The following ACAD10 variants were observed in gnomAD, a reference collection of about 807,000 sequenced individuals.
The protein encoded by ACAD10 is acyl-CoA dehydrogenase family member 10.
A neutral mutation model predicts 116.8 loss-of-function variants in ACAD10; 112 were observed. The ratio of observed to expected loss-of-function variants is 0.96; its 90% confidence interval spans 0.82 to 1.12. The LOEUF is 1.12. ACAD10 is among the 50% of genes most tolerant of loss of function. ACAD10 has a pLI of 0.00. For synonymous variants in ACAD10, 486 were observed against 510.6 expected (o/e 0.95, Z 0.65); for missense variants, 1,259 against 1,350.2 (o/e 0.93, Z 1.06).
intron 8 of ACAD10, among the ~76,000 whole-genome samples, chr12:111,723,588 T>C (rs867984881): frequency 0.022 from 1,625 of 75,258 alleles, 26 homozygotes; most frequent in African/African-American, 0.076. Context: ...GCTGGCCGGG[T>C]GGGGGGCTGA....
chr12:111,736,274 C>T (rs1484086838), intron 11 of ACAD10, among the ~76,000 whole-genome samples: 1 of 150,218 alleles, frequency 6.7e-6, no homozygotes, highest in Non-Finnish European at 1.5e-5. Context: ...GCAACCTCTG[C>T]CTCCTGGATT....
Position 111,736,913 on chromosome 12 carries a change from C to T in ACAD10, c.1623C>T (p.Leu541=), listed in dbSNP as rs774769234. The T allele has an allele frequency of 1.9e-6, 3 of 1,614,134 alleles. No individual in the cohort carries two copies. Among genetic ancestry groups the T allele is most frequent in the Non-Finnish European group, 2.5e-6 (3 of 1,180,024 alleles). Residue 541 remains leucine (L), a synonymous_variant, in exon 12 of 21, where the codon CTC becomes CTT. Transcript: ENST00000313698. ...GGATGTACTGTCTCCAAATGGGGCTCCCTCCCACTGAGAACTGGAACTTCT... is the reference window on the plus strand; with the variant it reads ...GGATGTACTGTCTCCAAATGGGGCTTCCTCCCACTGAGAACTGGAACTTCT... ...YFRMYCLQMG[L]PPTENWNFYM...
chr12:111,748,999 T>A (rs774667948), intron 17 of ACAD10, 174 bp from the exon 18 acceptor site: 2 of 1,609,822 alleles, frequency 1.2e-6, no homozygotes, highest in Admixed American at 3.4e-5. Flanking sequence ...ATTCATTTTC[T>A]GTGTTTAACA....
chr12:111,700,748 CTT>C (rs750378233), intron 2 of ACAD10, among the ~76,000 whole-genome samples: 14 of 89,910 alleles, frequency 1.6e-4, no homozygotes, highest in African/African-American at 3.5e-4. Flanking sequence ...CCTTCCTCTT[CTT>C]TTTTTTTTTT....
At chr12:111,699,531 C>CT (rs559781907) in intron 2 of ACAD10, among the ~76,000 whole-genome samples, 3 of 151,776 alleles carry the variant, frequency 2.0e-5, no homozygotes, top group East Asian at 1.9e-4. Context: ...TGTTCCATAG[C>CT]TTTTTTTTGA....
Position 111,749,350 on chromosome 12 carries a change from G to A in ACAD10, c.2817+5G>A. On this transcript the variant is annotated splice_donor_5th_base_variant and intron_variant, in intron 18 of 20. Coordinates refer to ENST00000313698, the MANE Select transcript of ACAD10 (RefSeq NM_025247.6). ...CTGGCACTCATGAAGGCCCGCGTGA[G>A]TGCTTTCCCCCGCACCCAGCACTGA... The A allele has an allele frequency of 1.2e-6, 2 of 1,610,374 alleles. No individual in the cohort carries two copies. Among genetic ancestry groups the A allele is most frequent in the Non-Finnish European group, 1.7e-6 (2 of 1,178,196 alleles).
At chr12:111,701,640 G>A (rs190618676) in intron 2 of ACAD10, among the ~76,000 whole-genome samples, 110 of 152,236 alleles carry the variant, frequency 7.2e-4, no homozygotes, top group Admixed American at 1.6e-3. Flanking sequence ...ACTCTAGCCT[G>A]GGTGACTGAG....
rs542416182 is a variant in ACAD10 at position 111,746,927 on chromosome 12, G to A, written c.2257-122G>A. 5 of 1,333,866 alleles carry A rather than the reference G, an allele frequency of 3.7e-6. No individual in the cohort carries two copies. The African/African-American group carries it at 5.9e-5, about 16-fold the overall frequency. The allele number at this position is 1,333,866 out of a possible 1,614,324, so 82.6% of individuals were successfully genotyped here. The stretch of plus-strand genomic sequence containing the variant: ...GCATGGGAGGATGGCTTGAGCTGAG[G>A]AAGTCGAGGCTGCAGTGAGCCATGA... On this transcript the variant is annotated intron_variant, in intron 14 of 20. Coordinates refer to ENST00000313698, the MANE Select transcript of ACAD10 (RefSeq NM_025247.6).
rs566805494 is a variant in ACAD10, at chr12:111,698,477, G to A, written c.188-3685G>A. ...TGCTCACTTTTCTTGTTGATTTTCA[G>A]TAAACCTTTTTTTTTTTGAGACAGA... is the stretch of plus-strand genomic sequence containing the variant. On this transcript the variant is annotated intron_variant, in intron 2 of 20. Coordinates refer to ENST00000313698, the MANE Select transcript of ACAD10 (RefSeq NM_025247.6). Among the ~76,000 whole-genome samples, 18 of 147,194 alleles carry A rather than the reference G, an allele frequency of 1.2e-4. No homozygotes were observed. In the East Asian group the frequency reaches 3.0e-3, roughly 24 times the overall value.
chr12:111,734,290 T>A (rs978889543), intron 11 of ACAD10, among the ~76,000 whole-genome samples: 16 of 152,226 alleles, frequency 1.1e-4, no homozygotes, highest in Non-Finnish European at 2.1e-4. Context: ...GTACCGCTTA[T>A]GCTTTTACAC....
At chr12:111,700,997 G>C (rs1001707500) in intron 2 of ACAD10, among the ~76,000 whole-genome samples, 1 of 151,876 alleles carries the variant, frequency 6.6e-6, no homozygotes, top group African/African-American at 2.4e-5. Context: ...AGCCTCAAGC[G>C]ATCCTCCCAT....
At chr12:111,743,639 T>C (rs1889811085) in intron 12 of ACAD10, among the ~76,000 whole-genome samples, 1 of 151,996 alleles carries the variant, frequency 6.6e-6, no homozygotes, top group South Asian at 2.1e-4. Context: ...CTGGCCGAAG[T>C]ATTCTGTATC....
chr12:111,722,325 T>C (rs1390019435), intron 8 of ACAD10, among the ~76,000 whole-genome samples: 1 of 152,204 alleles, frequency 6.6e-6, no homozygotes, highest in African/African-American at 2.4e-5. Context: ...TGGCCTCCCA[T>C]GATGCTGGGA....
At chr12:111,747,585 C>G in intron 16 of ACAD10, 200 bp downstream of exon 16, 1 of 1,408,386 alleles carries the variant, frequency 7.1e-7, no homozygotes, top group Non-Finnish European at 9.3e-7. Flanking sequence ...TGGCACTTCA[C>G]AGGGCAGGGA....
At chr12:111,699,764 A>T (rs1039494990) in intron 2 of ACAD10, among the ~76,000 whole-genome samples, 1 of 151,658 alleles carries the variant, frequency 6.6e-6, no homozygotes, top group Non-Finnish European at 1.5e-5. Flanking sequence ...TACAAAAAAT[A>T]AAAAAATTAG....
intron 12 of ACAD10, among the ~76,000 whole-genome samples, chr12:111,740,345 C>T (rs1381199431): frequency 6.6e-6 from 1 of 151,372 alleles, no homozygotes; most frequent in African/African-American, 2.4e-5. Context: ...CCTATAATCC[C>T]AGCTACATGG....
intron 1 of ACAD10, among the ~76,000 whole-genome samples, chr12:111,690,280 A>T (rs1481868178): frequency 1.3e-5 from 2 of 152,124 alleles, no homozygotes; most frequent in Non-Finnish European, 2.9e-5. Flanking sequence ...AAATTCACTT[A>T]TATATATATG....
chr12:111,744,730 G>T lies in ACAD10; in HGVS notation c.1802G>T (p.Gly601Val), dbSNP rs1306952919. 1.2e-6 allele frequency: 2 copies of T among 1,614,212 alleles called. No homozygotes were observed. The highest frequency in any genetic ancestry group is 1.3e-5 in the African/African-American group (1 of 75,060). The change falls in exon 13 of 21, where the codon GGG becomes GTG. Residue 601 changes from glycine (G) to valine (V), a missense_variant. Gly to Val is a moderately radical substitution (Grantham distance 109). Transcript: ENST00000313698. ...GCGTGGGATTTCGCAGTCAAAGAAG[G>T]GTTCCGGGTTTTCAAAGAGATGCCC... ...NLAWDFAVKE[G>V]FRVFKEMPFT...
At chr12:111,749,376 C>T in intron 18 of ACAD10, 31 bp downstream of exon 18, 2 of 1,588,610 alleles carry the variant, frequency 1.3e-6, no homozygotes, top group Non-Finnish European at 1.7e-6. Context: ...CCAGCACTGA[C>T]TCAGAACCAC....
Sources: gnomAD v4.1 joint callset for allele counts (sites outside exome capture counted in the v4.1 genomes callset) on GRCh38, gnomAD v4.1.1 for gene constraint, MANE v1.5 for transcripts, NCBI Gene and HGNC (gene_info 2026-07-23, HGNC 2026-07-21) for gene names.